The following EMB variants were observed in gnomAD, a reference collection of about 807,000 sequenced individuals.
The protein encoded by EMB is embigin.
In EMB, 31 loss-of-function variants were observed where a neutral mutation model predicts 41.4. The ratio of observed to expected loss-of-function variants is 0.75; its 90% CI spans 0.56 to 1.01. The LOEUF (loss-of-function observed/expected upper bound fraction) is 1.01. Ranked by LOEUF, EMB falls within the 50% of genes least tolerant of loss-of-function variation. The pLI is 0.00. For synonymous variants in EMB, 137 were observed against 140.4 expected, an observed-to-expected ratio of 0.98 and a Z score of 0.17; for missense variants, 379 against 388.3, an observed-to-expected ratio of 0.98 and a Z score of 0.20.
intron 7 of EMB, among the ~76,000 whole-genome samples, chr5:50,401,433 A>G (rs1227019258): frequency 6.6e-6 from 1 of 151,970 alleles, no homozygotes; most frequent in African/African-American, 2.4e-5. Flanking sequence ...TGTTAGTTAT[A>G]GTTGCTCAGG....
intron 4 of EMB, among the ~76,000 whole-genome samples, chr5:50,409,167 A>G (rs1745294102): frequency 6.6e-6 from 1 of 152,128 alleles, no homozygotes; most frequent in Non-Finnish European, 1.5e-5. Context: ...TTATCTCAAA[A>G]CAGTTGGAGA....
At chr5:50,424,534 A>G (rs1172492521) in intron 2 of EMB, among the ~76,000 whole-genome samples, 1 of 152,196 alleles carries the variant, frequency 6.6e-6, no homozygotes, top group East Asian at 1.9e-4. Context: ...CAGCACCATC[A>G]TCTAACTTTA....
chr5:50,426,458 A>T (rs1745611960), intron 2 of EMB, among the ~76,000 whole-genome samples: 2 of 152,212 alleles, frequency 1.3e-5, no homozygotes, highest in African/African-American at 4.8e-5. Context: ...CCATGTTTTC[A>T]TTCTCCCAGG....
rs1745134925 is a variant in EMB, at chr5:50,399,980, C to T, written c.912-67G>A. The T allele has an allele frequency of 7.1e-6, 7 of 986,116 alleles. No homozygotes were observed. The South Asian group carries it at 7.8e-5, about 11-fold the overall frequency. The allele number at this position is 986,116 out of a possible 1,614,324, so 61.1% of individuals were successfully genotyped here. ...TATATAAAATTAAGTCAGTACATCA[C>T]TGATATGGCTATCAGGTTAAAATGT... is the stretch of plus-strand genomic sequence containing the variant. On this transcript the variant is annotated intron_variant, in intron 7 of 8. Coordinates refer to ENST00000303221, the MANE Select transcript of EMB (RefSeq NM_198449.3).
chr5:50,440,718 C>A, intron 1 of EMB, among the ~76,000 whole-genome samples: 1 of 152,044 alleles, frequency 6.6e-6, no homozygotes, highest in African/African-American at 2.4e-5. Flanking sequence ...CCTGCAACCA[C>A]CCACACACCC....
chr5:50,424,990 G>GT (rs943991257), intron 2 of EMB, among the ~76,000 whole-genome samples: 5 of 152,154 alleles, frequency 3.3e-5, no homozygotes, highest in Middle Eastern at 3.4e-3. Flanking sequence ...TTAGGCCTCA[G>GT]TTTTTTTCTC....
intron 7 of EMB, 41 bp from the exon 8 acceptor site, chr5:50,399,954 T>C: frequency 7.0e-7 from 1 of 1,419,824 alleles, no homozygotes; most frequent in Non-Finnish European, 9.7e-7. Flanking sequence ...AATGCTTATA[T>C]TATATAAAAT....
chr5:50,436,441 A>C (rs1745804310), intron 1 of EMB, among the ~76,000 whole-genome samples: 1 of 152,120 alleles, frequency 6.6e-6, no homozygotes, highest in South Asian at 2.1e-4. Flanking sequence ...GTATACTGCT[A>C]AACTGTCATT....
chr5:50,428,153 A>G lies in EMB; in HGVS notation c.187T>C (p.Ser63Pro). 1 of 1,602,624 alleles carries G rather than the reference A, an allele frequency of 6.2e-7. No individual in the cohort carries two copies. The highest frequency in any genetic ancestry group is 2.2e-5 in the East Asian group (1 of 44,762). Reference protein sequence around the residue: ...NNFSLESHNISLTEHSSMPVE... With the variant: ...NNFSLESHNIPLTEHSSMPVE... ...AACATGATACATTTACCAGTCAGTGATATGTTATGACTCTCCAAGGAAAAG... is the reference window on the plus strand; with the variant it reads ...AACATGATACATTTACCAGTCAGTGGTATGTTATGACTCTCCAAGGAAAAG... The change falls in exon 2 of 9, where the codon TCA becomes CCA. Residue 63 changes from serine (S) to proline (P), a missense_variant. Coordinates refer to ENST00000303221, the MANE Select transcript of EMB (RefSeq NM_198449.3).
intron 1 of EMB, among the ~76,000 whole-genome samples, chr5:50,430,905 G>A (rs1379143491): frequency 3.9e-5 from 6 of 152,160 alleles, no homozygotes; most frequent in Admixed American, 2.6e-4. Flanking sequence ...GAGAGAAAAT[G>A]AGTCTAAGTT....
intron 2 of EMB, among the ~76,000 whole-genome samples, chr5:50,412,364 G>A (rs1745355109): frequency 6.6e-6 from 1 of 151,886 alleles, no homozygotes; most frequent in Non-Finnish European, 1.5e-5. Context: ...TAGCTACTCT[G>A]ACTAAAAGCA....
chr5:50,438,892 T>C (rs545157950), intron 1 of EMB, among the ~76,000 whole-genome samples: 15 of 151,906 alleles, frequency 9.9e-5, no homozygotes, highest in Non-Finnish European at 2.2e-4. Context: ...CCACTTTCAT[T>C]TGTTTCCTAC....
chr5:50,419,579 G>A (rs1745484100), intron 2 of EMB, among the ~76,000 whole-genome samples: 1 of 92,540 alleles, frequency 1.1e-5, no homozygotes, highest in South Asian at 3.6e-4. Flanking sequence ...ACAGATAACT[G>A]TATAAAACTG....
At chr5:50,420,859 T>C (rs1204792407) in intron 2 of EMB, among the ~76,000 whole-genome samples, 1 of 152,220 alleles carries the variant, frequency 6.6e-6, no homozygotes, top group Non-Finnish European at 1.5e-5. Context: ...ATGATTTATA[T>C]GAGGAATTCT....
chr5:50,409,429 C>G (rs1020777779), intron 4 of EMB, among the ~76,000 whole-genome samples: 1 of 152,122 alleles, frequency 6.6e-6, no homozygotes, highest in African/African-American at 2.4e-5. Context: ...CTTGGGAGCA[C>G]TTTAAGTCAC....
intron 1 of EMB, among the ~76,000 whole-genome samples, chr5:50,429,951 A>G (rs1464343553): frequency 8.1e-6 from 1 of 123,134 alleles, no homozygotes; most frequent in African/African-American, 3.1e-5. Flanking sequence ...CTTCCCTCTC[A>G]CCCTCCCCAA....
At chr5:50,440,497 C>T (rs920516584) in intron 1 of EMB, among the ~76,000 whole-genome samples, 4 of 133,736 alleles carry the variant, frequency 3.0e-5, no homozygotes, top group African/African-American at 1.2e-4. Context: ...CACGCCATTG[C>T]ACTCCAGCCT....
chr5:50,428,062 G>A (rs900361084), intron 2 of EMB, 82 bp downstream of exon 2: 4 of 957,982 alleles, frequency 4.2e-6, no homozygotes, highest in African/African-American at 3.3e-5. Context: ...ACTTCGCAAA[G>A]CAAAAAGCAG....
At chr5:50,406,785 CTGTT>C (rs1745256719) in intron 4 of EMB, among the ~76,000 whole-genome samples, 1 of 151,716 alleles carries the variant, frequency 6.6e-6, no homozygotes, top group Admixed American at 6.6e-5. Context: ...GTGTGTTTGT[CTGTT>C]TACTTTTTTC....
Sources: gnomAD v4.1 joint callset for allele counts (sites outside exome capture counted in the v4.1 genomes callset) on GRCh38, gnomAD v4.1.1 for gene constraint, MANE v1.5 for transcripts, NCBI Gene and HGNC (gene_info 2026-07-23, HGNC 2026-07-21) for gene names.